The following PPP1R21 variants were observed in gnomAD, a reference collection of about 807,000 sequenced individuals.
PPP1R21 encodes protein phosphatase 1 regulatory subunit 21.
PPP1R21 carries 85 observed loss-of-function variants against 112.8 expected under a neutral mutation model. The ratio of observed to expected loss-of-function variants is 0.75; its 90% CI spans 0.63 to 0.90. PPP1R21 has a LOEUF of 0.90. PPP1R21 is among the 40% of genes least tolerant of loss of function. PPP1R21 has a pLI of 0.00. For synonymous variants in PPP1R21, 381 were observed against 322.3 expected, an observed-to-expected ratio of 1.18 and a Z score of -1.95; for missense variants, 1,199 against 901.5, an observed-to-expected ratio of 1.33 and a Z score of -4.23.
In PPP1R21 at chr2:48,465,115, G is replaced by A. The variant is rs1285431502; in HGVS notation, c.747+126G>A. ...TCATTGCATTTAACTGTTGCTTTAC[G>A]TGTTTCTCATACATTTATTCAAATG... On this transcript the variant is annotated intron_variant, in intron 8 of 21. Transcript: ENST00000294952. The A allele has an allele frequency of 1.3e-5, 10 of 746,098 alleles. No homozygotes were observed. In the Admixed American group the frequency reaches 1.3e-4, roughly 10 times the overall value. 46.2% of individuals were successfully genotyped at this position (746,098 alleles called of 1,614,324 possible).
intron 7 of PPP1R21, 57 bp downstream of exon 7, chr2:48,461,289 C>A: frequency 1.4e-6 from 2 of 1,439,768 alleles, no homozygotes; most frequent in Non-Finnish European, 1.8e-6. Flanking sequence ...CTGTGGTAGC[C>A]AACTAATTAA....
intron 1 of PPP1R21, among the ~76,000 whole-genome samples, chr2:48,447,511 T>C (rs1199880552): frequency 6.6e-6 from 1 of 152,200 alleles, no homozygotes; most frequent in Non-Finnish European, 1.5e-5. Context: ...TTCTCAGTTA[T>C]GTCATATGCA....
In PPP1R21 at chr2:48,448,615, TAAAATC is replaced by T. The variant is rs144052719; in HGVS notation, c.58-2392_58-2387del. On this transcript the variant is annotated intron_variant, in intron 1 of 21. Transcript: ENST00000294952. ...ATCTAACGTCTTTAGATTTATAAAATAAAATCTAAAGACTGAAGCAGTATTGCTATT... is the reference window on the plus strand; with the variant it reads ...ATCTAACGTCTTTAGATTTATAAAATTAAAGACTGAAGCAGTATTGCTATT... Among the ~76,000 whole-genome samples the T allele has an allele frequency of 5.5e-3, 528 of 96,116 alleles. 1 individual carries two copies. Among genetic ancestry groups the T allele is most frequent in the African/African-American group, 0.019 (517 of 26,838 alleles). The allele number at this position is 96,116 out of a possible 152,430, so 63.1% of individuals were successfully genotyped here.
chr2:48,468,857 G>GTGTGTGTGTT (rs1474911893), intron 9 of PPP1R21, among the ~76,000 whole-genome samples: 1 of 147,814 alleles, frequency 6.8e-6, no homozygotes, highest in Non-Finnish European at 1.5e-5. Flanking sequence ...GTGTGTGTGT[G>GTGTGTGTGTT]TATGTATATA....
rs1051390682 is a variant in PPP1R21 at position 48,493,289 on chromosome 2, G to A, written c.1599+2119G>A. On this transcript the variant is annotated intron_variant, in intron 15 of 21. Coordinates refer to ENST00000294952, the MANE Select transcript of PPP1R21 (RefSeq NM_001135629.3). The stretch of plus-strand genomic sequence containing the variant: ...CAAAGTGCTGGGATTACAGGCGTGA[G>A]CCACTGCGCCCGGCCTTACCTATTT... Among the ~76,000 whole-genome samples the A allele has an allele frequency of 4.6e-5, 7 of 152,278 alleles. No homozygotes were observed. In the East Asian group the frequency reaches 1.3e-3, roughly 29 times the overall value.
intron 13 of PPP1R21, among the ~76,000 whole-genome samples, chr2:48,483,932 T>A (rs997739090): frequency 1.3e-5 from 2 of 151,962 alleles, no homozygotes; most frequent in African/African-American, 4.8e-5. Context: ...AAGTGATCCT[T>A]CTGCTTCGGT....
chr2:48,470,869 G>A (rs752014406), intron 9 of PPP1R21, among the ~76,000 whole-genome samples: 28 of 152,150 alleles, frequency 1.8e-4, no homozygotes, highest in Admixed American at 3.9e-4. Context: ...GGGACTTGGG[G>A]GTATCATCTG....
At chr2:48,443,920 C>A (rs1180847870) in intron 1 of PPP1R21, among the ~76,000 whole-genome samples, 4 of 152,140 alleles carry the variant, frequency 2.6e-5, no homozygotes, top group Non-Finnish European at 5.9e-5. Flanking sequence ...ATCAAGAAAG[C>A]AGCAAGCATG....
At chr2:48,450,656 A>G (rs1667431263) in intron 1 of PPP1R21, among the ~76,000 whole-genome samples, 2 of 152,236 alleles carry the variant, frequency 1.3e-5, no homozygotes, top group Admixed American at 1.3e-4. Flanking sequence ...GGAACATGGC[A>G]TATTCAGTAC....
intron 15 of PPP1R21, among the ~76,000 whole-genome samples, chr2:48,495,240 G>T (rs1046511490): frequency 2.0e-5 from 3 of 151,554 alleles, no homozygotes; most frequent in African/African-American, 7.3e-5. Context: ...GTCTCGCTCT[G>T]TTGTCCAGGC....
At chr2:48,444,051 C>G in intron 1 of PPP1R21, among the ~76,000 whole-genome samples, 1 of 151,524 alleles carries the variant, frequency 6.6e-6, no homozygotes, top group African/African-American at 2.4e-5. Context: ...AAAAAAAAAA[C>G]CAAACAAACA....
intron 15 of PPP1R21, among the ~76,000 whole-genome samples, chr2:48,492,220 A>G (rs1350363762): frequency 6.6e-6 from 1 of 152,252 alleles, no homozygotes; most frequent in Non-Finnish European, 1.5e-5. Flanking sequence ...AGAGGTAACC[A>G]TAATTATCAG....
chr2:48,494,058 CAAAAAA>C (rs70943344), intron 15 of PPP1R21, among the ~76,000 whole-genome samples: 3 of 63,236 alleles, frequency 4.7e-5, no homozygotes, highest in African/African-American at 6.7e-5. Flanking sequence ...CTCGTCTCTC[CAAAAAA>C]AAAAAAAAAA....
rs1669324487 is a variant in PPP1R21, at chr2:48,486,832, T to C, written c.1446+74T>C. 3.3e-6 allele frequency: 5 copies of C among 1,500,814 alleles called. No individual in the cohort carries two copies. The African/African-American group carries it at 4.2e-5, about 13-fold the overall frequency. 93.0% of individuals were successfully genotyped at this position (1,500,814 alleles called of 1,614,324 possible). On this transcript the variant is annotated intron_variant, in intron 14 of 21. Transcript: ENST00000294952. ...TTTTTTTCTGAGGGACATAGGAAAA[T>C]GGATCTGTAAAAGGATTTTGTAATA...
intron 18 of PPP1R21, 146 bp downstream of exon 18, chr2:48,505,742 C>T (rs1313480192): frequency 1.4e-5 from 10 of 721,182 alleles, no homozygotes; most frequent in Non-Finnish European, 2.2e-5. Flanking sequence ...GTGTTTTCCA[C>T]CTTCGTGTAT....
chr2:48,510,778 G>C (rs149222446), intron 20 of PPP1R21, among the ~76,000 whole-genome samples: 2 of 152,318 alleles, frequency 1.3e-5, no homozygotes, highest in Non-Finnish European at 2.9e-5. Context: ...ATGTGTTGTA[G>C]GCCTCACCTA....
At chr2:48,474,505 T>C (rs755330873) in intron 11 of PPP1R21, among the ~76,000 whole-genome samples, 178 bp from the exon 12 acceptor site, 3 of 152,246 alleles carry the variant, frequency 2.0e-5, no homozygotes, top group Non-Finnish European at 4.4e-5. Context: ...CCATTGGTAT[T>C]TGCAGCAAGC....
At chr2:48,495,971 G>C (rs1669817579) in intron 16 of PPP1R21, among the ~76,000 whole-genome samples, 200 bp downstream of exon 16, 1 of 152,210 alleles carries the variant, frequency 6.6e-6, no homozygotes, top group Non-Finnish European at 1.5e-5. Context: ...TCTTGATTCA[G>C]TTGGTGGTAT....
intron 16 of PPP1R21, 82 bp downstream of exon 16, chr2:48,495,853 A>G (rs1669812556): frequency 1.3e-6 from 1 of 794,420 alleles, no homozygotes; most frequent in Non-Finnish European, 2.2e-6. Context: ...GATACGTAGA[A>G]TGATTCAAAA....
Sources: gnomAD v4.1 joint callset for allele counts (sites outside exome capture counted in the v4.1 genomes callset) on GRCh38, gnomAD v4.1.1 for gene constraint, MANE v1.5 for transcripts, NCBI Gene and HGNC (gene_info 2026-07-23, HGNC 2026-07-21) for gene names.